The following ATP6V1C2 variants were observed in gnomAD, a reference collection of about 807,000 sequenced individuals.
ATP6V1C2 encodes the protein ATPase H+ transporting V1 subunit C2.
Under a neutral mutation model 56.8 loss-of-function variants are expected in ATP6V1C2, and 45 were observed. The ratio of observed to expected loss-of-function variants is 0.79; its 90% CI spans 0.62 to 1.02. ATP6V1C2 has a LOEUF of 1.02. ATP6V1C2 is among the 50% of genes least tolerant of loss of function. The pLI is 0.00. For synonymous variants in ATP6V1C2, 220 were observed against 201.3 expected, an observed-to-expected ratio of 1.09 and a Z score of -0.79; for missense variants, 463 against 519.7, an observed-to-expected ratio of 0.89 and a Z score of 1.06.
chr2:10,763,267 C>A lies in ATP6V1C2; in HGVS notation c.284-1064C>A, dbSNP rs1664028992. Among the ~76,000 whole-genome samples, 1 of 152,190 alleles carries A rather than the reference C, an allele frequency of 6.6e-6. No homozygotes were observed. Among genetic ancestry groups the A allele is most frequent in the Non-Finnish European group, 1.5e-5 (1 of 68,026 alleles). Reference sequence around the variant, plus strand: ...CCATCACCGGCCACACGGCCACCTCCTCTTCCCCTTAGCCTCCACGTGAAT... The same window carrying A: ...CCATCACCGGCCACACGGCCACCTCATCTTCCCCTTAGCCTCCACGTGAAT... On this transcript the variant is annotated intron_variant, in intron 4 of 13. Coordinates refer to ENST00000272238, the MANE Select transcript of ATP6V1C2 (RefSeq NM_001039362.2). This position sits in a 1 kb window ranked among gnomAD's most constrained non-coding sequence, Gnocchi z 4.2.
intron 5 of ATP6V1C2, 124 bp from the exon 6 acceptor site, chr2:10,768,595 C>T: frequency 3.8e-6 from 3 of 780,298 alleles, no homozygotes; most frequent in Non-Finnish European, 4.2e-6. Context: ...AGAAGCCATC[C>T]CAGCAAATGG....
chr2:10,726,272 C>T (rs940969347), intron 2 of ATP6V1C2, among the ~76,000 whole-genome samples: 3 of 152,216 alleles, frequency 2.0e-5, no homozygotes, highest in Non-Finnish European at 4.4e-5. Flanking sequence ...CATAGTCACT[C>T]CTTCCTATGG....
At chr2:10,743,981 CAAA>C (rs61311440) in intron 3 of ATP6V1C2, among the ~76,000 whole-genome samples, 51,307 of 90,222 alleles carry the variant, frequency 0.57, 10,074 homozygotes, top group East Asian at 0.71. Context: ...GATTCAGTCT[CAAA>C]AAAAAAAAAA....
intron 3 of ATP6V1C2, among the ~76,000 whole-genome samples, chr2:10,732,588 C>T (rs1558388068): frequency 1.3e-5 from 2 of 152,064 alleles, no homozygotes; most frequent in Non-Finnish European, 2.9e-5. Context: ...TGTCTGTTTG[C>T]TCTGTTTCCC....
At chr2:10,742,762 C>A (rs929086060) in intron 3 of ATP6V1C2, among the ~76,000 whole-genome samples, 1 of 152,160 alleles carries the variant, frequency 6.6e-6, no homozygotes, top group South Asian at 2.1e-4. Context: ...GTTTAGAAAT[C>A]AGCAGGGCTA....
chr2:10,725,413 G>T (rs147915881), intron 2 of ATP6V1C2, among the ~76,000 whole-genome samples: 101 of 149,002 alleles, frequency 6.8e-4, no homozygotes, highest in African/African-American at 2.5e-3. Context: ...CAGATCATAA[G>T]TTCTCTGAAA....
At chr2:10,757,198 A>G (rs1407155085) in intron 4 of ATP6V1C2, among the ~76,000 whole-genome samples, 2 of 152,060 alleles carry the variant, frequency 1.3e-5, no homozygotes, top group Admixed American at 6.6e-5. Context: ...TTTTTAGTAC[A>G]GACTGGGTTT....
At chr2:10,762,306 C>A (rs1663960044) in intron 4 of ATP6V1C2, among the ~76,000 whole-genome samples, 1 of 152,022 alleles carries the variant, frequency 6.6e-6, no homozygotes, top group Admixed American at 6.6e-5. Flanking sequence ...CCACCATGCC[C>A]AGCTAATTCT....
intron 8 of ATP6V1C2, among the ~76,000 whole-genome samples, chr2:10,774,445 A>G (rs1664825145): frequency 6.6e-6 from 1 of 152,224 alleles, no homozygotes; most frequent in East Asian, 1.9e-4. Flanking sequence ...CTTTACTATC[A>G]GGCAGCACGT....
rs905697777 is a variant in ATP6V1C2, at chr2:10,763,972, G to A, written c.284-359G>A. ...AAAGGAAATGCTTGAAAACACTGGT[G>A]TGGTCTGTTCCCCAGAGACTTTTCT... On this transcript the variant is annotated intron_variant, in intron 4 of 13. Transcript: ENST00000272238. This position sits in a 1 kb window ranked among gnomAD's most constrained non-coding sequence, Gnocchi z 4.2. 6.6e-5 allele frequency among the ~76,000 whole-genome samples: 10 copies of A among 152,216 alleles called. No homozygotes were observed. The highest frequency in any genetic ancestry group is 2.2e-4 in the African/African-American group (9 of 41,450).
intron 3 of ATP6V1C2, among the ~76,000 whole-genome samples, chr2:10,740,107 A>G (rs2148431807): frequency 6.6e-6 from 1 of 152,078 alleles, no homozygotes; most frequent in South Asian, 2.1e-4. Context: ...AAAAAAAGAA[A>G]AGAAAGTTGC....
chr2:10,737,959 G>A (rs1041889557), intron 3 of ATP6V1C2, among the ~76,000 whole-genome samples: 1 of 152,116 alleles, frequency 6.6e-6, no homozygotes, highest in Non-Finnish European at 1.5e-5. Flanking sequence ...CCAAAATGCC[G>A]AAATTACAGG....
rs1284703443 is a variant in ATP6V1C2, at chr2:10,721,664, C to G, written c.-94C>G. 2 of 151,428 alleles carry G rather than the reference C, an allele frequency of 1.3e-5. No individual in the cohort carries two copies. The highest frequency in any genetic ancestry group is 6.6e-5 in the Admixed American group (1 of 15,202). 9.4% of individuals were successfully genotyped at this position (151,428 alleles called of 1,614,324 possible). On this transcript the variant is annotated 5_prime_UTR_variant, in exon 1 of 14. Coordinates refer to ENST00000272238, the MANE Select transcript of ATP6V1C2 (RefSeq NM_001039362.2). ...GCCTCCCGGGAGCCGGCAGAGCGCT[C>G]CGGCCCCGCACCCGCCGCCCGTCGC...
In ATP6V1C2 at chr2:10,774,880, A is replaced by G. The variant is rs1664858161; in HGVS notation, c.731A>G (p.Lys244Arg). The G allele has an allele frequency of 1.2e-6, 2 of 1,614,160 alleles. No homozygotes were observed. Among genetic ancestry groups the G allele is most frequent in the South Asian group, 2.2e-5 (2 of 91,080 alleles). ...EDFKTKAKEN[K>R]FTVREFYYDE... ...TTCAAAACCAAGGCCAAAGAAAACA[A>G]GTAAGGGTCCTCCAGGTTTGGTTCA... The change falls in exon 9 of 14, where the codon AAG becomes AGG. Residue 244 changes from lysine to arginine, a missense_variant and splice_region_variant. Coordinates refer to ENST00000272238, the MANE Select transcript of ATP6V1C2 (RefSeq NM_001039362.2).
intron 3 of ATP6V1C2, among the ~76,000 whole-genome samples, chr2:10,740,848 G>A (rs540592390): frequency 2.0e-5 from 3 of 152,200 alleles, no homozygotes; most frequent in South Asian, 4.2e-4. Context: ...CACCAGGCCC[G>A]GCTAATTTTT....
At chr2:10,754,145 C>T (rs1019031737) in intron 4 of ATP6V1C2, 79 bp downstream of exon 4, 2 of 1,232,564 alleles carry the variant, frequency 1.6e-6, no homozygotes, top group South Asian at 1.3e-5. Context: ...TGTGGCCACA[C>T]AGCAATCACC....
chr2:10,784,658 G>T lies in ATP6V1C2; in HGVS notation c.*1395G>T, dbSNP rs576899761. 1 of 506,846 alleles carries T rather than the reference G, an allele frequency of 2.0e-6. No homozygotes were observed. The highest frequency in any genetic ancestry group is 3.2e-5 in the South Asian group (1 of 31,040). The allele number at this position is 506,846 out of a possible 1,614,324, so 31.4% of individuals were successfully genotyped here. On this transcript the variant is annotated 3_prime_UTR_variant, in exon 14 of 14. Coordinates refer to ENST00000272238, the MANE Select transcript of ATP6V1C2 (RefSeq NM_001039362.2). The stretch of plus-strand genomic sequence containing the variant: ...TCTATTTTTCTAAGATAAAGTAAAT[G>T]AATTCCAGGTTAAATGTTCACTTTA...
Position 10,757,003 on chromosome 2 carries a change from CTTTTT to C in ATP6V1C2, c.283+2962_283+2966del, listed in dbSNP as rs57191070. The stretch of plus-strand genomic sequence containing the variant: ...TTTCCCTCTTGAAAACATGAGGAGA[CTTTTT>C]TTTTTTTTTTTTTTTTTTTTTTTTG... On this transcript the variant is annotated intron_variant, in intron 4 of 13. Transcript: ENST00000272238. 1.5e-3 allele frequency among the ~76,000 whole-genome samples: 119 copies of C among 81,514 alleles called. 2 individuals are homozygous for C. Among genetic ancestry groups the C allele is most frequent in the East Asian group, 7.8e-3 (24 of 3,094 alleles). The allele number at this position is 81,514 out of a possible 152,430, so 53.5% of individuals were successfully genotyped here.
Position 10,743,738 on chromosome 2 carries a change from A to G in ATP6V1C2, c.198-10243A>G, listed in dbSNP as rs369787822. On this transcript the variant is annotated intron_variant, in intron 3 of 13. Coordinates refer to ENST00000272238, the MANE Select transcript of ATP6V1C2 (RefSeq NM_001039362.2). ...GGTGGCTCACGCCTGTAATCCCAGC[A>G]CTTTGGGAGGCCGAGGTGGGTGGAT... Among the ~76,000 whole-genome samples the G allele has an allele frequency of 7.2e-5, 11 of 151,806 alleles. 1 individual carries two copies. The highest frequency in any genetic ancestry group is 5.9e-4 in the East Asian group (3 of 5,112).
Sources: allele counts gnomAD v4.1 joint callset (sites outside exome capture counted in the v4.1 genomes callset), GRCh38; gene constraint gnomAD v4.1.1; non-coding constraint Gnocchi (gnomAD v3.1); transcripts MANE v1.5; gene names NCBI Gene and HGNC (gene_info 2026-07-23, HGNC 2026-07-21).